THSD4: variants seen among roughly 807,000 people sequenced by gnomAD.
THSD4 encodes thrombospondin type-1 domain-containing protein 4.
A neutral mutation model predicts 119.0 loss-of-function variants in THSD4; 69 were observed. The ratio of observed to expected loss-of-function variants is 0.58; its 90% CI spans 0.48 to 0.71. The LOEUF (loss-of-function observed/expected upper bound fraction) is 0.71. Among genes scored for constraint, THSD4 ranks in the 30% least tolerant of loss-of-function variants. THSD4 has a pLI of 0.00. For missense variants in THSD4, 1,393 were observed against 1,391.1 expected (o/e 1.00, Z -0.02); for synonymous variants, 524 against 540.4 (o/e 0.97, Z 0.42).
At chr15:71,703,688 AC>A (rs1246156592) in intron 8 of THSD4, among the ~76,000 whole-genome samples, 2 of 152,174 alleles carry the variant, frequency 1.3e-5, no homozygotes, top group African/African-American at 4.8e-5. Flanking sequence ...AGGTTCTACC[AC>A]AGCCTGGGGT....
At chr15:71,594,789 G>T (rs1041780988) in intron 7 of THSD4, among the ~76,000 whole-genome samples, 5 of 152,186 alleles carry the variant, frequency 3.3e-5, no homozygotes, top group Non-Finnish European at 5.9e-5. Flanking sequence ...TGGTCTGGAG[G>T]ACTTCCTAGT....
Position 71,638,087 on chromosome 15 carries a change from T to C in THSD4, c.1153-22443T>C, listed in dbSNP as rs12437779. On this transcript the variant is annotated intron_variant, in intron 7 of 17. Transcript: ENST00000261862. ...AAAGGGGCTAAGATGGTAAATTTTA[T>C]ATTATGTTTATTTTACCACGTTTTT... Among the ~76,000 whole-genome samples the C allele has an allele frequency of 4.1e-3, 621 of 152,312 alleles. 11 individuals are homozygous for C. The East Asian group carries it at 0.056, about 14-fold the overall frequency.
At chr15:71,693,533 G>A (rs564661853) in intron 8 of THSD4, among the ~76,000 whole-genome samples, 4 of 152,254 alleles carry the variant, frequency 2.6e-5, no homozygotes, top group African/African-American at 9.6e-5. Context: ...GGTAGTCCCA[G>A]CTACTTGGAG....
At chr15:71,113,336 G>A (rs1037540895), upstream of THSD4, among the ~76,000 whole-genome samples, 1 of 152,186 alleles carries the variant, frequency 6.6e-6, no homozygotes, top group Non-Finnish European at 1.5e-5. Flanking sequence ...TAGGTCTGTC[G>A]AATCAAGTTT....
chr15:71,516,803 C>A (rs920184351), intron 7 of THSD4, among the ~76,000 whole-genome samples: 3 of 152,148 alleles, frequency 2.0e-5, no homozygotes, highest in African/African-American at 4.8e-5. Context: ...CTGTTAAAAT[C>A]TTGTGTTCAT....
At chr15:71,328,213 A>G (rs1225311762) in intron 6 of THSD4, among the ~76,000 whole-genome samples, 2 of 152,030 alleles carry the variant, frequency 1.3e-5, no homozygotes, top group Non-Finnish European at 2.9e-5. Context: ...TTTGAGTCCA[A>G]TCTTCAGTCA....
At chr15:71,236,175 T>C (rs2044103949) in intron 4 of THSD4, among the ~76,000 whole-genome samples, 1 of 151,994 alleles carries the variant, frequency 6.6e-6, no homozygotes, top group Non-Finnish European at 1.5e-5. Context: ...GAAAACAAGA[T>C]GGAAATAAAC....
At chr15:71,136,788 G>A (rs2040556003) in intron 1 of THSD4, among the ~76,000 whole-genome samples, 1 of 152,172 alleles carries the variant, frequency 6.6e-6, no homozygotes, top group Non-Finnish European at 1.5e-5. Context: ...GGGTCCTCCA[G>A]GAGTTCTGGT....
At chr15:71,724,287 A>ATACATATATATATATAT in intron 8 of THSD4, among the ~76,000 whole-genome samples, 1 of 37,288 alleles carries the variant, frequency 2.7e-5, no homozygotes, top group Non-Finnish European at 6.1e-5. Context: ...ATATATATAT[A>ATACATATATATATATAT]TTTTTTTTTT....
chr15:71,411,945 C>T (rs1388125610), intron 7 of THSD4, 122 bp downstream of exon 7: 1 of 1,327,850 alleles, frequency 7.5e-7, no homozygotes, highest in East Asian at 2.4e-5. Context: ...GCCACTCAAC[C>T]ATGCGCTCTG....
chr15:71,292,919 G>A (rs567556962), intron 6 of THSD4, among the ~76,000 whole-genome samples: 1 of 152,074 alleles, frequency 6.6e-6, no homozygotes, highest in African/African-American at 2.4e-5. Flanking sequence ...CTTGTGATCC[G>A]CCCATCTTGG....
At chr15:71,640,980 GACAC>G (rs10551548) in intron 7 of THSD4, among the ~76,000 whole-genome samples, 38,465 of 146,478 alleles carry the variant, frequency 0.26, 5,342 homozygotes, top group East Asian at 0.56. Context: ...CCCACCTACA[GACAC>G]ACACACACAC....
intron 7 of THSD4, among the ~76,000 whole-genome samples, chr15:71,569,702 A>C (rs978430703): frequency 1.3e-5 from 2 of 152,248 alleles, no homozygotes; most frequent in African/African-American, 4.8e-5. Context: ...ATAGGTAAAA[A>C]TAAGTGAAAG....
chr15:71,416,928 T>C (rs2046766840), intron 7 of THSD4, among the ~76,000 whole-genome samples: 1 of 103,006 alleles, frequency 9.7e-6, no homozygotes, highest in Non-Finnish European at 2.1e-5. Flanking sequence ...CCAGCTAATT[T>C]TTTTGTATTT....
rs1163216231 is a variant in THSD4, at chr15:71,243,104, C to T, written c.912+8C>T. 12 of 1,604,620 alleles carry T rather than the reference C, an allele frequency of 7.5e-6. No individual in the cohort carries two copies. In the South Asian group the frequency reaches 1.2e-4, roughly 16 times the overall value. ...AAGCTGTGCAACACCAACGTGAGTA[C>T]ACACAACCCATACCGGGCCTGGAAA... On this transcript the variant is annotated splice_region_variant and intron_variant, in intron 5 of 17. Transcript: ENST00000261862.
intron 8 of THSD4, among the ~76,000 whole-genome samples, chr15:71,683,127 GGCC>G: frequency 6.6e-6 from 1 of 151,552 alleles, no homozygotes; most frequent in East Asian, 1.9e-4. Flanking sequence ...TCACCATATT[GGCC>G]AGGCTGGCCT....
intron 15 of THSD4, among the ~76,000 whole-genome samples, chr15:71,762,857 T>C (rs976978999): frequency 7.9e-5 from 12 of 151,784 alleles, no homozygotes; most frequent in African/African-American, 2.7e-4. Context: ...TCACTTGAGG[T>C]GTCAGGAGTT....
At chr15:71,577,790 G>A (rs975516396) in intron 7 of THSD4, among the ~76,000 whole-genome samples, 15 of 132,172 alleles carry the variant, frequency 1.1e-4, no homozygotes, top group African/African-American at 2.8e-4. Flanking sequence ...GCATGATCTC[G>A]GCTCACTGCA....
intron 7 of THSD4, among the ~76,000 whole-genome samples, chr15:71,638,651 C>T (rs1348376656): frequency 1.3e-5 from 2 of 152,104 alleles, no homozygotes; most frequent in Non-Finnish European, 2.9e-5. Flanking sequence ...CTTATTCAGG[C>T]ATTTGAAAGA....
Sources: gnomAD v4.1 joint callset for allele counts (sites outside exome capture counted in the v4.1 genomes callset) on GRCh38, gnomAD v4.1.1 for gene constraint, MANE v1.5 for transcripts, NCBI Gene and HGNC (gene_info 2026-07-23, HGNC 2026-07-21) for gene names.